OTULINL: variants seen among roughly 807,000 people sequenced by gnomAD.
OTULINL encodes the protein inactive ubiquitin thioesterase OTULINL.
In OTULINL, 42 loss-of-function variants were observed where a neutral mutation model predicts 43.9. The observed-to-expected ratio is 0.96, with a 90% CI of 0.75 to 1.24. The LOEUF (loss-of-function observed/expected upper bound fraction) is 1.24. Among genes scored for constraint, OTULINL ranks in the 50% most tolerant of loss-of-function variants. OTULINL has a pLI of 0.00. For missense variants in OTULINL, 411 were observed against 426.4 expected, an observed-to-expected ratio of 0.96 and a Z score of 0.32; for synonymous variants, 172 against 153.6, an observed-to-expected ratio of 1.12 and a Z score of -0.88.
intron 1 of OTULINL, among the ~76,000 whole-genome samples, chr5:14,596,195 C>CT (rs967100764): frequency 2.0e-5 from 3 of 151,964 alleles, no homozygotes; most frequent in African/African-American, 4.8e-5. Context: ...CCTTTTTGTT[C>CT]TTTTTTTATG....
chr5:14,607,835 A>G (rs1174441326), intron 6 of OTULINL, among the ~76,000 whole-genome samples: 1 of 152,204 alleles, frequency 6.6e-6, no homozygotes, highest in East Asian at 1.9e-4. Context: ...TAATAATTTG[A>G]CTAAGACTTC....
At chr5:14,594,182 A>G (rs1252951833) in intron 1 of OTULINL, among the ~76,000 whole-genome samples, 4 of 152,314 alleles carry the variant, frequency 2.6e-5, no homozygotes, top group Admixed American at 1.3e-4. Context: ...AACCAACACA[A>G]TTTAAACTTA....
Position 14,613,428 on chromosome 5 carries a change from GGGCTTAA to G in OTULINL, c.*3115_*3121del, listed in dbSNP as rs1221446653. On this transcript the variant is annotated 3_prime_UTR_variant, in exon 8 of 8. Coordinates refer to ENST00000274217, the MANE Select transcript of OTULINL (RefSeq NM_019018.3). Reference sequence around the variant, plus strand: ...CTCTTCTAATCTGAGTATTTCCTCTGGGCTTAAAAGAGCCTCAGTGGAGAAGTACAAC... The same window carrying G: ...CTCTTCTAATCTGAGTATTTCCTCTGAAGAGCCTCAGTGGAGAAGTACAAC... 6.6e-6 allele frequency among the ~76,000 whole-genome samples: 1 copy of G among 151,942 alleles called. No homozygotes were observed. Among genetic ancestry groups the G allele is most frequent in the Non-Finnish European group, 1.5e-5 (1 of 68,010 alleles).
Position 14,615,241 on chromosome 5 carries a change from G to GAC in OTULINL, c.*4930_*4931dup, listed in dbSNP as rs1759653682. On this transcript the variant is annotated 3_prime_UTR_variant, in exon 8 of 8. Transcript: ENST00000274217. ...TACTGGGCCAAACACAAATGGCTGAGACACTCCTGGCCCATTTCTTGTCAT... is the reference window on the plus strand; with the variant it reads ...TACTGGGCCAAACACAAATGGCTGAGACACACTCCTGGCCCATTTCTTGTCAT... Among the ~76,000 whole-genome samples the GAC allele has an allele frequency of 1.3e-5, 2 of 152,202 alleles. No homozygotes were observed. The highest frequency in any genetic ancestry group is 1.3e-4 in the Admixed American group (2 of 15,278).
Position 14,615,647 on chromosome 5 carries a change from T to C in OTULINL, c.*5333T>C, listed in dbSNP as rs1005970915. 3.9e-5 allele frequency among the ~76,000 whole-genome samples: 6 copies of C among 152,246 alleles called. No individual in the cohort carries two copies. The highest frequency in any genetic ancestry group is 1.2e-4 in the African/African-American group (5 of 41,480). ...GTAGAACAAATATTTACATCTGTTA[T>C]GAAAAGCTACCTTTAGCCGTAGATA... is the stretch of plus-strand genomic sequence containing the variant. On this transcript the variant is annotated 3_prime_UTR_variant, in exon 8 of 8. Transcript: ENST00000274217.
intron 1 of OTULINL, among the ~76,000 whole-genome samples, chr5:14,583,809 A>AAT (rs1759059560): frequency 6.6e-6 from 1 of 152,220 alleles, no homozygotes; most frequent in Admixed American, 6.5e-5. Flanking sequence ...AAGCTAGTAT[A>AAT]GGGACAACTT....
In OTULINL at chr5:14,615,892, C is replaced by T. The variant is rs548733107; in HGVS notation, c.*5578C>T. Among the ~76,000 whole-genome samples the T allele has an allele frequency of 2.0e-5, 3 of 152,352 alleles. No homozygotes were observed. Among genetic ancestry groups the T allele is most frequent in the South Asian group, 4.1e-4 (2 of 4,826 alleles). ...TTTACAAGCAAATTGAAACGACATG[C>T]TCTTCTTTGTACTATACAGAAGGAC... On this transcript the variant is annotated 3_prime_UTR_variant, in exon 8 of 8. Coordinates refer to ENST00000274217, the MANE Select transcript of OTULINL (RefSeq NM_019018.3).
At position 14,581,903 on chromosome 5, in the gene OTULINL, G is replaced by T. The variant is rs1004100781; in HGVS notation, c.9G>T (p.Ala3=). 2.1e-6 allele frequency: 3 copies of T among 1,413,750 alleles called. No homozygotes were observed. The highest frequency in any genetic ancestry group is 2.8e-6 in the Non-Finnish European group (3 of 1,083,674). 87.6% of individuals were successfully genotyped at this position (1,413,750 alleles called of 1,614,324 possible). A position where few individuals can be genotyped will look rare whatever the true frequency, so the allele number is the denominator to read the frequency against. The change falls in exon 1 of 8, where the codon GCG becomes GCT. Residue 3 remains alanine (A), a synonymous_variant. Transcript: ENST00000274217. ...TCCGCAGCGCGGCCGGCATGGCGGCGACAAGGAGCCCCACGCGGGCAAGGG... is the reference window on the plus strand; with the variant it reads ...TCCGCAGCGCGGCCGGCATGGCGGCTACAAGGAGCCCCACGCGGGCAAGGG... The part of the protein sequence containing the change: MA[A]TRSPTRARER...
Position 14,611,746 on chromosome 5 carries a change from C to G in OTULINL, c.*1432C>G, listed in dbSNP as rs776122186. 1.3e-5 allele frequency: 2 copies of G among 151,728 alleles called. No individual in the cohort carries two copies. Among genetic ancestry groups the G allele is most frequent in the Non-Finnish European group, 2.9e-5 (2 of 67,948 alleles). The allele number at this position is 151,728 out of a possible 1,614,324, so 9.4% of individuals were successfully genotyped here. ...TACTTTGCTAGTCTGTTTTGAGTTT[C>G]AGTACATAAGAATAATTTTTAAAAT... On this transcript the variant is annotated 3_prime_UTR_variant, in exon 8 of 8. Transcript: ENST00000274217.
At chr5:14,603,448 T>C (rs1467348454) in intron 5 of OTULINL, among the ~76,000 whole-genome samples, 1 of 152,196 alleles carries the variant, frequency 6.6e-6, no homozygotes, top group Non-Finnish European at 1.5e-5. Context: ...CCACCAACAA[T>C]GTATAAGCAA....
chr5:14,591,367 G>A (rs1759198550), intron 1 of OTULINL, among the ~76,000 whole-genome samples: 1 of 152,160 alleles, frequency 6.6e-6, no homozygotes, highest in South Asian at 2.1e-4. Flanking sequence ...TCTTAGTTGT[G>A]TGGCCAGTTG....
chr5:14,607,808 TG>T (rs572001249), intron 6 of OTULINL, among the ~76,000 whole-genome samples: 120 of 152,320 alleles, frequency 7.9e-4, no homozygotes, highest in African/African-American at 2.7e-3. Context: ...ATTCATAACT[TG>T]GTAATGGCAC....
Position 14,581,845 on chromosome 5 carries a change from C to A in OTULINL, c.-50C>A, listed in dbSNP as rs969278292. ...CGGGCGGCCGTCGCGTCTGACAGAC[C>A]ACTGCAGACCACGGGCCGAGGCCCA... is the stretch of plus-strand genomic sequence containing the variant. On this transcript the variant is annotated 5_prime_UTR_variant, in exon 1 of 8. Coordinates refer to ENST00000274217, the MANE Select transcript of OTULINL (RefSeq NM_019018.3). The A allele has an allele frequency of 5.9e-6, 8 of 1,348,622 alleles. No individual in the cohort carries two copies. In the African/African-American group the frequency reaches 1.2e-4, roughly 21 times the overall value. The allele number at this position is 1,348,622 out of a possible 1,614,324, so 83.5% of individuals were successfully genotyped here. A position where few individuals can be genotyped will look rare whatever the true frequency, so the allele number is the denominator to read the frequency against.
chr5:14,607,279 G>A (rs772102166), intron 5 of OTULINL, 51 bp from the exon 6 acceptor site: 1 of 1,592,350 alleles, frequency 6.3e-7, no homozygotes, highest in Non-Finnish European at 8.6e-7. Flanking sequence ...CAAATTGTGT[G>A]TAATAAACGT....
chr5:14,583,580 A>G (rs751747972), intron 1 of OTULINL, among the ~76,000 whole-genome samples: 1 of 152,168 alleles, frequency 6.6e-6, no homozygotes, highest in Non-Finnish European at 1.5e-5. Context: ...AATTCAATGC[A>G]TGCCAGCGCT....
intron 1 of OTULINL, among the ~76,000 whole-genome samples, chr5:14,591,996 G>A (rs947375554): frequency 1.2e-4 from 18 of 152,220 alleles, no homozygotes; most frequent in African/African-American, 3.9e-4. Flanking sequence ...TTGGAGCCCT[G>A]TGTGTATTGT....
At chr5:14,606,023 T>TA (rs2126784031) in intron 5 of OTULINL, among the ~76,000 whole-genome samples, 1 of 152,300 alleles carries the variant, frequency 6.6e-6, no homozygotes, top group South Asian at 2.1e-4. Context: ...CCAGTCCTGG[T>TA]ACCAGTTTAC....
intron 1 of OTULINL, among the ~76,000 whole-genome samples, chr5:14,590,295 C>T (rs1012668675): frequency 1.3e-5 from 2 of 152,134 alleles, no homozygotes. Flanking sequence ...AAAAAAGATA[C>T]CTGGGCCCCA....
At position 14,607,361 on chromosome 5, in the gene OTULINL, GT is replaced by G. The variant is rs775120552; in HGVS notation, c.531del (p.Cys177Ter). On this transcript the variant is annotated frameshift_variant, in exon 6 of 8. Coordinates refer to ENST00000274217, the MANE Select transcript of OTULINL (RefSeq NM_019018.3). LOFTEE classifies it high-confidence loss of function. Reference protein sequence around the residue: ...LPEKLLFSQGCNWIQQYSFGP... With the variant: ...LPEKLLFSQGXNWIQQYSFGP... ...GAAAAACTGCTGTTTTCACAAGGTT[GT>G]AATTGGATTCAGCAGTACAGTTTTG... 1.6e-5 allele frequency: 26 copies of G among 1,613,884 alleles called. No individual in the cohort carries two copies. In the South Asian group the frequency reaches 2.7e-4, roughly 17 times the overall value.
Sources: allele counts gnomAD v4.1 joint callset (sites outside exome capture counted in the v4.1 genomes callset), GRCh38; gene constraint gnomAD v4.1.1; transcripts MANE v1.5; gene names NCBI Gene and HGNC (gene_info 2026-07-23, HGNC 2026-07-21).